Variants in CDON observed in about 807,000 individuals in gnomAD.
The protein encoded by CDON is cell adhesion associated, oncogene regulated, also known as cell adhesion molecule-related/down-regulated by oncogenes.
Under a neutral mutation model 120.9 loss-of-function variants are expected in CDON, and 73 were observed. The ratio of observed to expected loss-of-function variants is 0.60; its 90% CI spans 0.50 to 0.73. The LOEUF is 0.73. Among genes scored for constraint, CDON ranks in the 30% least tolerant of loss-of-function variants. The pLI is 0.00. For missense variants in CDON, 1,470 were observed against 1,587.3 expected (o/e 0.93, Z 1.26); for synonymous variants, 566 against 573.5 (o/e 0.99, Z 0.19).
At chr11:126,048,014 T>G (rs2134885661) in intron 1 of CDON, among the ~76,000 whole-genome samples, 1 of 152,168 alleles carries the variant, frequency 6.6e-6, no homozygotes, top group East Asian at 1.9e-4. Flanking sequence ...TGGTGGCTCC[T>G]GCCTGTAATC....
chr11:126,053,579 C>T (rs937310144), intron 1 of CDON, among the ~76,000 whole-genome samples: 2 of 152,192 alleles, frequency 1.3e-5, no homozygotes, highest in East Asian at 1.9e-4. Flanking sequence ...TCCTGCAAAA[C>T]TGTACTGTCA....
chr11:125,981,970 C>CTGTTTTTTTTTTTTTTT (rs1946320713), intron 16 of CDON, among the ~76,000 whole-genome samples: 1 of 54,290 alleles, frequency 1.8e-5, no homozygotes, highest in Non-Finnish European at 3.1e-5. Context: ...ATTCTATTTT[C>CTGTTTTTTTTTTTTTTT]TTTTTTTTTT....
At chr11:126,062,919 G>T (rs1948841284), upstream of CDON, 1 of 151,802 alleles carries the variant, frequency 6.6e-6, no homozygotes, top group South Asian at 2.1e-4. Context: ...GCGCGGGCAC[G>T]TAACTCGGAG....
intron 1 of CDON, among the ~76,000 whole-genome samples, chr11:126,045,347 C>T (rs570911008): frequency 1.3e-5 from 2 of 152,094 alleles, no homozygotes; most frequent in East Asian, 3.9e-4. Context: ...ATGTTTAAAG[C>T]ACTTAAATTT....
rs143628641 is a variant in CDON, at chr11:126,023,688, C to A, written c.-61-151G>T. The stretch of plus-strand genomic sequence containing the variant: ...CTTAATTATCCAGATCTTCCCAATT[C>A]ACAGACTGATCTCTAGACACTAGAG... On this transcript the variant is annotated intron_variant, in intron 1 of 19. Coordinates refer to ENST00000531738, the MANE Select transcript of CDON (RefSeq NM_001378964.1). 9.4e-4 allele frequency: 585 copies of A among 622,480 alleles called. 1 individual carries two copies. The highest frequency in any genetic ancestry group is 1.5e-3 in the Admixed American group (60 of 38,898). The allele number at this position is 622,480 out of a possible 1,614,324, so 38.6% of individuals were successfully genotyped here. A position where few individuals can be genotyped will look rare whatever the true frequency, so the allele number is the denominator to read the frequency against.
At chr11:126,055,641 T>C (rs1050238102) in intron 1 of CDON, among the ~76,000 whole-genome samples, 2 of 152,142 alleles carry the variant, frequency 1.3e-5, no homozygotes, top group African/African-American at 4.8e-5. Context: ...TTTAGAAAAG[T>C]TGCAGTGGAG....
intron 1 of CDON, among the ~76,000 whole-genome samples, chr11:126,036,903 G>T (rs912762151): frequency 8.5e-5 from 13 of 152,138 alleles, no homozygotes; most frequent in African/African-American, 3.1e-4. Context: ...GCCCAAGCTG[G>T]TCTCAAACTC....
intron 1 of CDON, among the ~76,000 whole-genome samples, chr11:126,060,963 T>C (rs931078877): frequency 6.6e-6 from 1 of 152,286 alleles, no homozygotes; most frequent in East Asian, 1.9e-4. Context: ...TTTAAGTACT[T>C]TGCACAGAAG....
intron 1 of CDON, among the ~76,000 whole-genome samples, chr11:126,061,192 GC>G (rs1212855046): frequency 6.6e-6 from 1 of 152,152 alleles, no homozygotes; most frequent in Non-Finnish European, 1.5e-5. Context: ...TCTACACACT[GC>G]CAAACACACA....
chr11:125,979,521 T>A (rs1379565250), intron 17 of CDON, among the ~76,000 whole-genome samples: 1 of 152,176 alleles, frequency 6.6e-6, no homozygotes, highest in Non-Finnish European at 1.5e-5. Flanking sequence ...CTAACACTGT[T>A]AAAATTTCTC....
In CDON at chr11:126,019,622, T is replaced by C. The variant is rs1185475705; in HGVS notation, c.493A>G (p.Thr165Ala). 6.2e-7 allele frequency: 1 copy of C among 1,614,136 alleles called. No individual in the cohort carries two copies. The highest frequency in any genetic ancestry group is 1.1e-5 in the South Asian group (1 of 91,076). Residue 165 changes from threonine (T) to alanine (A), a missense_variant, in exon 4 of 20, where the codon ACA becomes GCA. Physicochemically the swap from Thr to Ala is moderately conservative, Grantham distance 58. Transcript: ENST00000531738. ...GGCTTTTCACAAAAGGTCTCACCTG[T>C]GGAATGTTCCAGCCATTTTCCCCGG... Reference protein sequence around the residue: ...KIRGKWLEHSTENYLILPSGN... With the variant: ...KIRGKWLEHSAENYLILPSGN...
Position 126,017,120 on chromosome 11 carries a change from A to G in CDON, c.896T>C (p.Val299Ala), listed in dbSNP as rs980315790. ...ATTAACCATGTAAGTCACATATTTTACATCTCCAGACTTGTTTCCCGCCAT... is the reference window on the plus strand; with the variant it reads ...ATTAACCATGTAAGTCACATATTTTGCATCTCCAGACTTGTTTCCCGCCAT... Reference protein sequence around the residue: ...SCMAGNKSGDVKYVTYMVNVL... With the variant: ...SCMAGNKSGDAKYVTYMVNVL... Residue 299 changes from valine to alanine, a missense_variant, in exon 6 of 20, where the codon GTA (valine) becomes GCA (alanine). By Grantham distance (64) the Val-to-Ala change is moderately conservative. Transcript: ENST00000531738. 4 of 1,614,032 alleles carry G rather than the reference A, an allele frequency of 2.5e-6. No individual in the cohort carries two copies. The highest frequency in any genetic ancestry group is 3.4e-6 in the Non-Finnish European group (4 of 1,179,984).
chr11:125,995,135 A>T, intron 12 of CDON, 83 bp from the exon 13 acceptor site: 1 of 1,170,162 alleles, frequency 8.5e-7, no homozygotes, highest in Non-Finnish European at 1.3e-6. Context: ...TAAAGGCAGA[A>T]TAGTCAAAAT....
intron 15 of CDON, 90 bp from the exon 16 acceptor site, chr11:125,984,183 G>A (rs1946396099): frequency 2.3e-6 from 2 of 882,466 alleles, no homozygotes; most frequent in African/African-American, 3.3e-5. Context: ...GGTTAGGAAT[G>A]CAAGCCAGTC....
intron 1 of CDON, among the ~76,000 whole-genome samples, chr11:126,045,677 A>C (rs1428381733): frequency 1.3e-5 from 2 of 152,180 alleles, no homozygotes; most frequent in Non-Finnish European, 2.9e-5. Flanking sequence ...TTTTCAAAAA[A>C]GTCACACATT....
chr11:125,981,281 T>G lies in CDON; in HGVS notation c.3044A>C (p.Gln1015Pro). 1 of 1,614,158 alleles carries G rather than the reference T, an allele frequency of 6.2e-7. No individual in the cohort carries two copies. Among genetic ancestry groups the G allele is most frequent in the Non-Finnish European group, 8.5e-7 (1 of 1,180,024 alleles). The change falls in exon 17 of 20, where the codon CAG (glutamine) becomes CCG (proline). Residue 1015 changes from glutamine to proline, a missense_variant. Gln to Pro is a moderately conservative substitution (Grantham distance 76). Coordinates refer to ENST00000531738, the MANE Select transcript of CDON (RefSeq NM_001378964.1). ...TGAGAGAGTGGTGTAGTCCACCATC[T>G]GCCCGTTCATATCTGATCCTTGGTA... ...YLYQGSDMNG[Q>P]MVDYTTLSGA...
intron 1 of CDON, among the ~76,000 whole-genome samples, chr11:126,061,180 G>A (rs1021125523): frequency 1.3e-5 from 2 of 152,182 alleles, no homozygotes; most frequent in African/African-American, 2.4e-5. Context: ...AAATGTTTCT[G>A]TTCTACACAC....
At chr11:125,970,872 G>A (rs548512181) in intron 18 of CDON, among the ~76,000 whole-genome samples, 10 of 152,160 alleles carry the variant, frequency 6.6e-5, no homozygotes, top group African/African-American at 2.4e-4. Context: ...CAGACTTGGG[G>A]AGATATATAA....
chr11:126,036,369 G>T (rs1323533545), intron 1 of CDON, among the ~76,000 whole-genome samples: 1 of 152,068 alleles, frequency 6.6e-6, no homozygotes, highest in African/African-American at 2.4e-5. Flanking sequence ...AGCAATAAAG[G>T]TAATTTTAAA....
Sources: allele counts gnomAD v4.1 joint callset (sites outside exome capture counted in the v4.1 genomes callset), GRCh38; gene constraint gnomAD v4.1.1; transcripts MANE v1.5; gene names NCBI Gene and HGNC (gene_info 2026-07-23, HGNC 2026-07-21).